The following PLCH1 variants were observed in gnomAD, a reference collection of about 807,000 sequenced individuals.
PLCH1 encodes the protein 1-phosphatidylinositol 4,5-bisphosphate phosphodiesterase eta-1.
In PLCH1, 60 loss-of-function variants were observed where a neutral mutation model predicts 126.7. That is an observed-to-expected ratio of 0.47 (90% confidence interval 0.38 to 0.59). PLCH1 has a LOEUF of 0.59. Ranked by LOEUF, PLCH1 falls within the 20% of genes least tolerant of loss-of-function variation. The probability of loss-of-function intolerance (pLI) is 0.00; values close to 1 mark genes in which losing one functional copy is unlikely to be tolerated. For missense variants in PLCH1, 1,723 were observed against 2,040.0 expected, an observed-to-expected ratio of 0.84 and a Z score of 2.99; for synonymous variants, 719 against 734.9, an observed-to-expected ratio of 0.98 and a Z score of 0.35.
intron 1 of PLCH1, among the ~76,000 whole-genome samples, chr3:155,725,138 C>A (rs777144289): frequency 3.2e-4 from 48 of 152,120 alleles, no homozygotes; most frequent in African/African-American, 7.5e-4. Context: ...TTTCTGCTGA[C>A]AAATCTGCTG....
At chr3:155,635,718 C>A (rs981778925) in intron 2 of PLCH1, among the ~76,000 whole-genome samples, 10 of 152,156 alleles carry the variant, frequency 6.6e-5, no homozygotes, top group Non-Finnish European at 1.2e-4. Flanking sequence ...CCATGCCTTG[C>A]GGTAGAGCAT....
chr3:155,676,021 A>T, intron 2 of PLCH1: 1 of 1,539,498 alleles, frequency 6.5e-7, no homozygotes, highest in East Asian at 2.5e-5. Context: ...AAGTTTTTAT[A>T]CACTTCAAGG....
At chr3:155,547,736 T>C (rs550829526) in intron 10 of PLCH1, among the ~76,000 whole-genome samples, 85 of 151,870 alleles carry the variant, frequency 5.6e-4, no homozygotes, top group Non-Finnish European at 1.0e-3. Flanking sequence ...TCATGTCCTT[T>C]GTAGGGACAT....
intron 2 of PLCH1, among the ~76,000 whole-genome samples, chr3:155,628,014 C>T (rs970606549): frequency 2.0e-5 from 3 of 151,928 alleles, no homozygotes; most frequent in East Asian, 1.9e-4. Flanking sequence ...TGATCCACCC[C>T]CTTCGGGCTC....
intron 6 of PLCH1, among the ~76,000 whole-genome samples, chr3:155,568,970 C>G: frequency 6.6e-6 from 1 of 152,114 alleles, no homozygotes; most frequent in East Asian, 1.9e-4. Context: ...GAAGAGGTTA[C>G]TTACCTTTTC....
At chr3:155,563,964 TCTCA>T (rs1727972219) in intron 8 of PLCH1, among the ~76,000 whole-genome samples, 1 of 152,080 alleles carries the variant, frequency 6.6e-6, no homozygotes, top group Non-Finnish European at 1.5e-5. Flanking sequence ...ACAGGTGGGG[TCTCA>T]CTGTGTTGCT....
At position 155,587,496 on chromosome 3, in the gene PLCH1, A is replaced by G. The variant is rs141811565; in HGVS notation, c.471-1302T>C. Among the ~76,000 whole-genome samples, 251 of 152,274 alleles carry G rather than the reference A, an allele frequency of 1.6e-3. 2 individuals are homozygous for G. Among genetic ancestry groups the G allele is most frequent in the Non-Finnish European group, 2.8e-3 (190 of 68,008 alleles). On this transcript the variant is annotated intron_variant, in intron 4 of 22. Transcript: ENST00000460012. ...TACCTGATTTAGCACACTCTTCTAC[A>G]CATAAGGTCTGTCTCTACACCACGC...
chr3:155,504,545 T>C lies in PLCH1; in HGVS notation c.1704+10A>G. 2 of 1,506,012 alleles carry C rather than the reference T, an allele frequency of 1.3e-6. No individual in the cohort carries two copies. Among genetic ancestry groups the C allele is most frequent in the Non-Finnish European group, 1.8e-6 (2 of 1,081,798 alleles). The allele number at this position is 1,506,012 out of a possible 1,614,324, so 93.3% of individuals were successfully genotyped here. On this transcript the variant is annotated intron_variant, in intron 13 of 22. Transcript: ENST00000460012. ...CTGAAGTATGCATAGTTATTACTCT[T>C]AATTCATACCTTATGTTTTCCAAAG...
chr3:155,680,111 G>A (rs1046119594), intron 2 of PLCH1, among the ~76,000 whole-genome samples: 16 of 152,300 alleles, frequency 1.1e-4, no homozygotes, highest in Admixed American at 3.3e-4. Context: ...TCGGCTGGGC[G>A]CGGTGGCTCA....
chr3:155,506,148 A>T (rs527539407), intron 12 of PLCH1, among the ~76,000 whole-genome samples: 1 of 152,276 alleles, frequency 6.6e-6, no homozygotes, highest in Admixed American at 6.5e-5. Context: ...ATTCTCATTT[A>T]CTATGCATAA....
chr3:155,493,544 T>TTG, intron 17 of PLCH1, among the ~76,000 whole-genome samples: 1 of 152,150 alleles, frequency 6.6e-6, no homozygotes, highest in Non-Finnish European at 1.5e-5. Context: ...CGCACCACTA[T>TTG]GCCCAGCTAA....
At chr3:155,472,848 T>C (rs1713334360) in intron 21 of PLCH1, among the ~76,000 whole-genome samples, 1 of 151,700 alleles carries the variant, frequency 6.6e-6, no homozygotes, top group Non-Finnish European at 1.5e-5. Flanking sequence ...TCTCAATAGA[T>C]GCAGAAAAAG....
chr3:155,693,791 A>G (rs1010049156), intron 2 of PLCH1, among the ~76,000 whole-genome samples: 3 of 152,046 alleles, frequency 2.0e-5, no homozygotes, highest in Non-Finnish European at 2.9e-5. Flanking sequence ...TTAACCAGGC[A>G]TGGTGGTGTG....
At chr3:155,588,782 T>C (rs1395891859) in intron 4 of PLCH1, among the ~76,000 whole-genome samples, 2 of 152,200 alleles carry the variant, frequency 1.3e-5, no homozygotes, top group Non-Finnish European at 2.9e-5. Flanking sequence ...CTAATTCTAC[T>C]GCTTACTTGG....
At chr3:155,458,453 G>GGAAAGAAAGAAAGAAAGAAAGAAA (rs796818041) in intron 21 of PLCH1, among the ~76,000 whole-genome samples, 6 of 28,686 alleles carry the variant, frequency 2.1e-4, no homozygotes, top group Admixed American at 3.8e-4. Flanking sequence ...AAGGAAGGAA[G>GGAAAGAAAGAAAGAAAGAAAGAAA]GAAAGAAAGA....
intron 19 of PLCH1, among the ~76,000 whole-genome samples, chr3:155,489,089 T>G (rs1454011820): frequency 6.6e-6 from 1 of 152,228 alleles, no homozygotes. Context: ...GTATTCAGAA[T>G]GCTTCAATAA....
At chr3:155,515,328 T>C (rs1447021176) in intron 11 of PLCH1, among the ~76,000 whole-genome samples, 1 of 152,268 alleles carries the variant, frequency 6.6e-6, no homozygotes, top group Non-Finnish European at 1.5e-5. Flanking sequence ...GGAAAGTTTT[T>C]GGAAACTAAG....
chr3:155,587,674 T>G (rs1248660708), intron 4 of PLCH1, among the ~76,000 whole-genome samples: 1 of 152,168 alleles, frequency 6.6e-6, no homozygotes, highest in Non-Finnish European at 1.5e-5. Context: ...GAAGCTGAGT[T>G]TAGATACAAA....
intron 1 of PLCH1, among the ~76,000 whole-genome samples, chr3:155,713,271 G>C (rs940889246): frequency 6.6e-6 from 1 of 152,110 alleles, no homozygotes; most frequent in Non-Finnish European, 1.5e-5. Flanking sequence ...GAAGAGACAG[G>C]AGGAGACAAC....
Sources: gnomAD v4.1 joint callset for allele counts (sites outside exome capture counted in the v4.1 genomes callset) on GRCh38, gnomAD v4.1.1 for gene constraint, MANE v1.5 for transcripts, NCBI Gene and HGNC (gene_info 2026-07-23, HGNC 2026-07-21) for gene names.